Variants in RPTOR observed in about 807,000 individuals in gnomAD.
RPTOR encodes regulatory associated protein of MTOR complex 1, also known as regulatory-associated protein of mTOR.
Under a neutral mutation model 169.9 loss-of-function variants are expected in RPTOR, and 21 were observed. The ratio of observed to expected loss-of-function variants is 0.12; its 90% CI spans 0.09 to 0.18. RPTOR has a LOEUF of 0.18. RPTOR is among the 10% of genes least tolerant of loss of function. The pLI is 1.00. For synonymous variants in RPTOR, 732 were observed against 753.2 expected (o/e 0.97, Z 0.46); for missense variants, 1,133 against 1,855.9 (o/e 0.61, Z 7.16).
chr17:80,854,602 G>A (rs1467144865), intron 11 of RPTOR, among the ~76,000 whole-genome samples: 1 of 152,178 alleles, frequency 6.6e-6, no homozygotes, highest in African/African-American at 2.4e-5. Flanking sequence ...CTTTATCAGA[G>A]CAGCATTTTG....
At chr17:80,729,302 T>C (rs1357565855) in intron 4 of RPTOR, among the ~76,000 whole-genome samples, 1 of 152,224 alleles carries the variant, frequency 6.6e-6, no homozygotes, top group Non-Finnish European at 1.5e-5. Context: ...ACTGTGACTT[T>C]GATTTTTGCC....
intron 3 of RPTOR, among the ~76,000 whole-genome samples, chr17:80,645,361 A>G (rs1048547330): frequency 6.6e-6 from 1 of 152,224 alleles, no homozygotes; most frequent in Non-Finnish European, 1.5e-5. Context: ...GCGTTTTACT[A>G]GATACCTTTG....
intron 4 of RPTOR, among the ~76,000 whole-genome samples, chr17:80,728,913 A>T (rs958678776): frequency 2.6e-5 from 4 of 152,230 alleles, no homozygotes; most frequent in Non-Finnish European, 5.9e-5. Flanking sequence ...GTTCTATTAT[A>T]GAGCAGTGAT....
chr17:80,948,158 C>T (rs1251730273), intron 27 of RPTOR, among the ~76,000 whole-genome samples: 6 of 152,172 alleles, frequency 3.9e-5, no homozygotes, highest in African/African-American at 9.7e-5. Flanking sequence ...GGCCGACACC[C>T]GGATCCCACC....
intron 28 of RPTOR, among the ~76,000 whole-genome samples, chr17:80,956,314 A>G (rs2144085428): frequency 6.6e-6 from 1 of 152,258 alleles, no homozygotes; most frequent in East Asian, 1.9e-4. Context: ...TCCTTTCTGT[A>G]TCTTAAAATG....
intron 6 of RPTOR, among the ~76,000 whole-genome samples, chr17:80,755,098 G>A (rs1473706932): frequency 6.6e-6 from 1 of 151,592 alleles, no homozygotes; most frequent in Non-Finnish European, 1.5e-5. Flanking sequence ...GCCTGAGGGG[G>A]GAGGAAAACT....
intron 6 of RPTOR, among the ~76,000 whole-genome samples, chr17:80,788,399 AATCAC>A (rs1253024947): frequency 6.6e-6 from 1 of 152,072 alleles, no homozygotes; most frequent in African/African-American, 2.4e-5. Flanking sequence ...CGTGAGCCAA[AATCAC>A]ACCACTGCAC....
At chr17:80,636,551 A>G (rs1442303000) in intron 2 of RPTOR, among the ~76,000 whole-genome samples, 1 of 152,162 alleles carries the variant, frequency 6.6e-6, no homozygotes, top group Non-Finnish European at 1.5e-5. Flanking sequence ...GAAAAGCAGA[A>G]GTGTGCGTCT....
intron 3 of RPTOR, among the ~76,000 whole-genome samples, chr17:80,676,750 G>A (rs947260369): frequency 1.3e-5 from 2 of 152,250 alleles, no homozygotes; most frequent in African/African-American, 4.8e-5. Flanking sequence ...CCCCACTGCA[G>A]CAGAACCGGG....
At chr17:80,574,657 TTTG>T (rs1332285466) in intron 1 of RPTOR, among the ~76,000 whole-genome samples, 6 of 151,972 alleles carry the variant, frequency 3.9e-5, no homozygotes, top group South Asian at 4.1e-4. Flanking sequence ...TCCACTCTTT[TTTG>T]TTGTTGTTTT....
intron 13 of RPTOR, among the ~76,000 whole-genome samples, chr17:80,864,815 AT>A (rs1284316900): frequency 6.6e-6 from 1 of 152,182 alleles, no homozygotes; most frequent in Non-Finnish European, 1.5e-5. Context: ...TGTACTATGA[AT>A]TTTTTTCAAT....
intron 24 of RPTOR, among the ~76,000 whole-genome samples, chr17:80,929,587 G>A (rs1479690076): frequency 3.9e-5 from 6 of 152,212 alleles, no homozygotes; most frequent in Admixed American, 6.5e-5. Context: ...TGGCGGCTCC[G>A]CAGAGCATGG....
chr17:80,888,119 T>C lies in RPTOR; in HGVS notation c.1983+2971T>C, dbSNP rs189465802. Among the ~76,000 whole-genome samples, 4 of 152,288 alleles carry C rather than the reference T, an allele frequency of 2.6e-5. No individual in the cohort carries two copies. The East Asian group carries it at 7.7e-4, about 29-fold the overall frequency. ...ACTGTTCAGATACTATTTTATTTTA[T>C]TTGTTTTATTTTATTTTGAAACAGA... On this transcript the variant is annotated intron_variant, in intron 17 of 33. Coordinates refer to ENST00000306801, the MANE Select transcript of RPTOR (RefSeq NM_020761.3).
rs1016938268 is a variant in RPTOR at position 80,707,668 on chromosome 17, C to T, written c.349-173C>T. Among the ~76,000 whole-genome samples, 3 of 151,980 alleles carry T rather than the reference C, an allele frequency of 2.0e-5. No homozygotes were observed. The highest frequency in any genetic ancestry group is 4.4e-5 in the Non-Finnish European group (3 of 68,014). On this transcript the variant is annotated intron_variant, in intron 3 of 33. Transcript: ENST00000306801. This position sits in a 1 kb window ranked among gnomAD's most constrained non-coding sequence, Gnocchi z 5.0. The stretch of plus-strand genomic sequence containing the variant: ...TGGCCTCCTAAGCTGCTGGGATTTT[C>T]GGCATGAGCCAGGGTGCCTGGCATT...
intron 17 of RPTOR, among the ~76,000 whole-genome samples, chr17:80,889,918 C>T: frequency 8.7e-6 from 1 of 114,786 alleles, no homozygotes; most frequent in African/African-American, 3.3e-5. Flanking sequence ...TGTGCGGCCT[C>T]CGAGGGAGGC....
chr17:80,615,456 T>C (rs773029674), intron 1 of RPTOR, among the ~76,000 whole-genome samples: 1 of 152,204 alleles, frequency 6.6e-6, no homozygotes, highest in Non-Finnish European at 1.5e-5. Flanking sequence ...AACCGTAGCA[T>C]AAGAAATTGT....
chr17:80,685,050 G>C (rs1567856126), intron 3 of RPTOR, among the ~76,000 whole-genome samples: 1 of 152,006 alleles, frequency 6.6e-6, no homozygotes, highest in African/African-American at 2.4e-5. Flanking sequence ...TGTGTATGTA[G>C]TTTTTTTCTA....
At chr17:80,644,307 G>GTTTT (rs3046923) in intron 3 of RPTOR, among the ~76,000 whole-genome samples, 13 of 109,154 alleles carry the variant, frequency 1.2e-4, no homozygotes, top group South Asian at 6.6e-4. Context: ...TAGTGTGTGG[G>GTTTT]TTTTTTTTTT....
At position 80,602,146 on chromosome 17, in the gene RPTOR, G is replaced by A. The variant is rs1195741536; in HGVS notation, c.163-23545G>A. Among the ~76,000 whole-genome samples, 3 of 67,574 alleles carry A rather than the reference G, an allele frequency of 4.4e-5. 1 individual carries two copies. Among genetic ancestry groups the A allele is most frequent in the Non-Finnish European group, 6.8e-5 (2 of 29,618 alleles). 44.3% of individuals were successfully genotyped at this position (67,574 alleles called of 152,430 possible). On this transcript the variant is annotated intron_variant, in intron 1 of 33. Transcript: ENST00000306801. Reference sequence around the variant, plus strand: ...TCCTCACTTCCCAGTAGGGGCGGCCGGGCAGAGGCGCCCCTCACCTCCTGG... The same window carrying A: ...TCCTCACTTCCCAGTAGGGGCGGCCAGGCAGAGGCGCCCCTCACCTCCTGG...
Sources: gnomAD v4.1 joint callset for allele counts (sites outside exome capture counted in the v4.1 genomes callset) on GRCh38, gnomAD v4.1.1 for gene constraint, Gnocchi (gnomAD v3.1) non-coding constraint, MANE v1.5 for transcripts, NCBI Gene and HGNC (gene_info 2026-07-23, HGNC 2026-07-21) for gene names.